ANKFY1: variants seen among roughly 807,000 people sequenced by gnomAD.
The protein encoded by ANKFY1 is ankyrin repeat and FYVE domain-containing protein 1.
A neutral mutation model predicts 128.3 loss-of-function variants in ANKFY1; 47 were observed. The observed-to-expected ratio is 0.37, with a 90% CI of 0.29 to 0.47. The LOEUF (loss-of-function observed/expected upper bound fraction) is 0.47, where lower values mean the gene tolerates loss of function less well. Ranked by LOEUF, ANKFY1 falls within the 20% of genes least tolerant of loss-of-function variation. The pLI is 1.00. For missense variants in ANKFY1, 1,222 were observed against 1,510.6 expected, an observed-to-expected ratio of 0.81 and a Z score of 3.17; for synonymous variants, 553 against 601.6, an observed-to-expected ratio of 0.92 and a Z score of 1.18.
At chr17:4,184,721 T>C (rs1473374531) in intron 12 of ANKFY1, 97 bp downstream of exon 12, 2 of 1,361,634 alleles carry the variant, frequency 1.5e-6, no homozygotes, top group Non-Finnish European at 2.1e-6. Context: ...ACTAGCCATA[T>C]GAAACTCACC....
chr17:4,185,125 A>G, intron 11 of ANKFY1, 79 bp from the exon 12 acceptor site: 1 of 1,323,448 alleles, frequency 7.6e-7, no homozygotes, highest in East Asian at 2.5e-5. Context: ...TAAGTGCAAA[A>G]CCTCGGGTCC....
At chr17:4,255,243 CTT>C (rs1177087196) in intron 1 of ANKFY1, among the ~76,000 whole-genome samples, 8 of 119,906 alleles carry the variant, frequency 6.7e-5, no homozygotes, top group Admixed American at 8.3e-5. Flanking sequence ...TCATGTAATT[CTT>C]TTTTTTTTTT....
At chr17:4,213,996 G>GA (rs1254456990) in intron 4 of ANKFY1, among the ~76,000 whole-genome samples, 3 of 152,018 alleles carry the variant, frequency 2.0e-5, no homozygotes, top group Non-Finnish European at 2.9e-5. Context: ...CATTCCAGCA[G>GA]AAAAAAACCT....
intron 3 of ANKFY1, among the ~76,000 whole-genome samples, chr17:4,229,649 G>T (rs189828390): frequency 6.6e-6 from 1 of 152,258 alleles, no homozygotes; most frequent in Non-Finnish European, 1.5e-5. Flanking sequence ...CCCAAAAGCA[G>T]TATGAGGATT....
chr17:4,252,365 G>A (rs1012335964), intron 1 of ANKFY1, among the ~76,000 whole-genome samples: 5 of 152,082 alleles, frequency 3.3e-5, no homozygotes, highest in Non-Finnish European at 5.9e-5. Flanking sequence ...CTAGGAGTTT[G>A]AGAACAGCTG....
chr17:4,197,288 G>A, intron 8 of ANKFY1, 85 bp downstream of exon 8: 1 of 1,399,304 alleles, frequency 7.1e-7, no homozygotes, highest in Non-Finnish European at 1.0e-6. Flanking sequence ...TAAAGAACAT[G>A]AACTCCCCGT....
intron 22 of ANKFY1, 34 bp downstream of exon 22, chr17:4,172,522 G>A: frequency 1.9e-6 from 3 of 1,599,108 alleles, no homozygotes; most frequent in South Asian, 1.1e-5. Context: ...AGGTGCGCAA[G>A]TGAGACGGGA....
At chr17:4,183,064 C>T (rs1017330349) in intron 14 of ANKFY1, among the ~76,000 whole-genome samples, 3 of 152,146 alleles carry the variant, frequency 2.0e-5, no homozygotes, top group African/African-American at 4.8e-5. Context: ...CGAGATTGTG[C>T]CACTGCACTC....
At position 4,169,126 on chromosome 17, in the gene ANKFY1, C is replaced by T. The variant is rs115542512; in HGVS notation, c.3377+72G>A. On this transcript the variant is annotated intron_variant, in intron 24 of 24. Coordinates refer to ENST00000341657, the MANE Select transcript of ANKFY1 (RefSeq NM_001330063.2). The surrounding 1 kb of genome is among the most constrained non-coding windows in gnomAD (Gnocchi z 5.0). ...GGACCCAGGCAAGTTCACGGCCTGT[C>T]CTGGAGAAGGGGGGAAGCAATGACA... is the stretch of plus-strand genomic sequence containing the variant. 799 of 1,423,186 alleles carry T rather than the reference C, an allele frequency of 5.6e-4. 2 individuals carry two copies. In the African/African-American group the frequency reaches 9.5e-3, roughly 17 times the overall value. The allele number at this position is 1,423,186 out of a possible 1,614,324, so 88.2% of individuals were successfully genotyped here. A position where few individuals can be genotyped will look rare whatever the true frequency, so the allele number is the denominator to read the frequency against.
chr17:4,165,822 C>T lies in ANKFY1; in HGVS notation c.*1957G>A. ...GGCCTCACCCTTGACTCATCTCCCACATTCCTTTTAAAGAACAGGTATCCA... is the reference window on the plus strand; with the variant it reads ...GGCCTCACCCTTGACTCATCTCCCATATTCCTTTTAAAGAACAGGTATCCA... On this transcript the variant is annotated 3_prime_UTR_variant, in exon 25 of 25. Transcript: ENST00000341657. The T allele has an allele frequency of 6.6e-6, 1 of 152,218 alleles. No homozygotes were observed. Among genetic ancestry groups the T allele is most frequent in the Non-Finnish European group, 1.5e-5 (1 of 68,036 alleles). The allele number at this position is 152,218 out of a possible 1,614,324, so 9.4% of individuals were successfully genotyped here.
chr17:4,189,293 C>A (rs936432660), intron 11 of ANKFY1, 89 bp downstream of exon 11: 33 of 1,123,852 alleles, frequency 2.9e-5, no homozygotes, highest in African/African-American at 1.7e-4. Flanking sequence ...CTGAAAAAAA[C>A]CACCTATTCC....
chr17:4,223,704 A>G, intron 3 of ANKFY1: 3 of 1,602,182 alleles, frequency 1.9e-6, no homozygotes, highest in Non-Finnish European at 2.6e-6. Context: ...CAGCCAATCA[A>G]CTGTCCTGAT....
intron 2 of ANKFY1, among the ~76,000 whole-genome samples, chr17:4,236,761 T>C (rs1443582537): frequency 2.0e-5 from 3 of 151,658 alleles, no homozygotes; most frequent in Non-Finnish European, 4.4e-5. Context: ...GGAAAGTCTT[T>C]GGAAACTAAA....
intron 3 of ANKFY1, among the ~76,000 whole-genome samples, chr17:4,217,471 C>T (rs1407907023): frequency 2.6e-5 from 4 of 152,120 alleles, no homozygotes; most frequent in South Asian, 4.2e-4. Context: ...CGCTTGAACC[C>T]GGGAGACGGA....
At chr17:4,192,888 A>G (rs184849373) in intron 10 of ANKFY1, among the ~76,000 whole-genome samples, 104 of 152,296 alleles carry the variant, frequency 6.8e-4, no homozygotes, top group South Asian at 2.3e-3. Flanking sequence ...AAAAATTAAA[A>G]ATTAAAAAAA....
At chr17:4,168,879 CCATGAGGGCAGTAGCT>C in intron 24 of ANKFY1, 1 of 324,078 alleles carries the variant, frequency 3.1e-6, no homozygotes. Flanking sequence ...CTGAGGCACA[CCATGAGGGCAGTAGCT>C]CATCTCAGCT....
chr17:4,203,377 T>C (rs2059966961), intron 7 of ANKFY1, among the ~76,000 whole-genome samples: 1 of 152,176 alleles, frequency 6.6e-6, no homozygotes, highest in South Asian at 2.1e-4. Flanking sequence ...AAAATCCATA[T>C]ATAATATTTC....
intron 1 of ANKFY1, among the ~76,000 whole-genome samples, chr17:4,247,861 T>G (rs1967633253): frequency 6.6e-6 from 1 of 152,184 alleles, no homozygotes; most frequent in Non-Finnish European, 1.5e-5. Flanking sequence ...ACACTGAAAG[T>G]ACTAATACAT....
chr17:4,246,387 A>T lies in ANKFY1; in HGVS notation c.11-3939T>A, dbSNP rs112464045. Among the ~76,000 whole-genome samples the T allele has an allele frequency of 4.9e-3, 750 of 152,308 alleles. 2 individuals carry two copies. Among genetic ancestry groups the T allele is most frequent in the Non-Finnish European group, 8.1e-3 (548 of 68,020 alleles). The stretch of plus-strand genomic sequence containing the variant: ...AACAGACAAAGTACATAAACACAGT[A>T]TATTTCTCTACGAGAAATACAAATA... On this transcript the variant is annotated intron_variant, in intron 1 of 24. Transcript: ENST00000341657.
Sources: gnomAD v4.1 joint callset for allele counts (sites outside exome capture counted in the v4.1 genomes callset) on GRCh38, gnomAD v4.1.1 for gene constraint, Gnocchi (gnomAD v3.1) non-coding constraint, MANE v1.5 for transcripts, NCBI Gene and HGNC (gene_info 2026-07-23, HGNC 2026-07-21) for gene names.